The following APOH variants were observed in gnomAD, a reference collection of about 807,000 sequenced individuals.
APOH encodes the protein beta-2-glycoprotein 1.
APOH carries 48 observed loss-of-function variants against 39.8 expected under a neutral mutation model. That is an observed-to-expected ratio of 1.21 (90% CI 0.96 to 1.54). The LOEUF is 1.54. Among genes scored for constraint, APOH ranks in the 40% most tolerant of loss-of-function variants. The pLI, the probability that APOH is intolerant of heterozygous loss-of-function variation, is 0.00. For missense variants in APOH, 415 were observed against 421.2 expected, an observed-to-expected ratio of 0.99 and a Z score of 0.13; for synonymous variants, 153 against 151.1, an observed-to-expected ratio of 1.01 and a Z score of -0.09.
intron 5 of APOH, among the ~76,000 whole-genome samples, chr17:66,219,517 A>G (rs2073384874): frequency 6.6e-6 from 1 of 152,216 alleles, no homozygotes; most frequent in African/African-American, 2.4e-5. Context: ...CCAGAAAGGT[A>G]CAAGTTACTA....
At chr17:66,214,807 G>T (rs982841316) in intron 6 of APOH, among the ~76,000 whole-genome samples, 157 bp from the exon 7 acceptor site, 4 of 151,706 alleles carry the variant, frequency 2.6e-5, no homozygotes, top group Non-Finnish European at 4.4e-5. Context: ...TAATATGATT[G>T]CTAATTGCAG....
In APOH at chr17:66,214,524, T is replaced by G; in HGVS notation, c.911A>C (p.Glu304Ala). 1 of 1,614,184 alleles carries G rather than the reference T, an allele frequency of 6.2e-7. No homozygotes were observed. Among genetic ancestry groups the G allele is most frequent in the African/African-American group, 1.3e-5 (1 of 75,056 alleles). The change falls in exon 7 of 8, where the codon GAA becomes GCA. Residue 304 changes from glutamate (E) to alanine (A), a missense_variant. Coordinates refer to ENST00000205948, the MANE Select transcript of APOH (RefSeq NM_000042.3). ...ATCCTCTGTATAGCTACACTTCTTT[T>G]CCTTATTTTTGCAGAAGAAAGAAAC... is the stretch of plus-strand genomic sequence containing the variant. ...DKVSFFCKNK[E>A]KKCSYTEDAQ... is the part of the protein sequence containing the mutation.
intron 5 of APOH, 82 bp from the exon 6 acceptor site, chr17:66,217,049 T>C (rs1367000645): frequency 8.6e-7 from 1 of 1,169,500 alleles, no homozygotes. Flanking sequence ...CTTGTCTCTG[T>C]CACACCACTG....
At chr17:66,223,306 G>A (rs1401343094) in intron 4 of APOH, among the ~76,000 whole-genome samples, 2 of 152,140 alleles carry the variant, frequency 1.3e-5, no homozygotes, top group Non-Finnish European at 2.9e-5. Context: ...TCCAGAGTGG[G>A]AGGAAGATGT....
In APOH at chr17:66,226,951, C is replaced by A. The variant is rs544880499; in HGVS notation, c.242-827G>T. ...CTGCCCAGGCTGGAGTGCAGTGGCACAATCTCAGCTCACTACAACCTCTGC... is the reference window on the plus strand; with the variant it reads ...CTGCCCAGGCTGGAGTGCAGTGGCAAAATCTCAGCTCACTACAACCTCTGC... On this transcript the variant is annotated intron_variant, in intron 2 of 7. Coordinates refer to ENST00000205948, the MANE Select transcript of APOH (RefSeq NM_000042.3). Among the ~76,000 whole-genome samples, 10 of 151,906 alleles carry A rather than the reference C, an allele frequency of 6.6e-5. No homozygotes were observed. In the South Asian group the frequency reaches 1.7e-3, roughly 25 times the overall value.
At chr17:66,223,453 TTAGA>T (rs1429736093) in intron 4 of APOH, among the ~76,000 whole-genome samples, 1 of 151,288 alleles carries the variant, frequency 6.6e-6, no homozygotes, top group Non-Finnish European at 1.5e-5. Context: ...AATGACTGGC[TTAGA>T]TAGAGTAATG....
chr17:66,222,760 G>A (rs987209095), intron 4 of APOH, among the ~76,000 whole-genome samples: 3 of 151,794 alleles, frequency 2.0e-5, no homozygotes, highest in Non-Finnish European at 4.4e-5. Flanking sequence ...TAGTAGAGAC[G>A]GAGTTTCTCC....
chr17:66,214,752 T>C, intron 6 of APOH, 102 bp from the exon 7 acceptor site: 1 of 997,736 alleles, frequency 1.0e-6, no homozygotes, highest in Non-Finnish European at 1.5e-6. Context: ...CTACACAAAT[T>C]GGTCAAGGCA....
rs775234915 is a variant in APOH, at chr17:66,228,117, C to G, written c.144G>C (p.Thr48=). 9 of 1,614,058 alleles carry G rather than the reference C, an allele frequency of 5.6e-6. No homozygotes were observed. The South Asian group carries it at 7.7e-5, about 14-fold the overall frequency. The change falls in exon 2 of 8, where the codon ACG becomes ACC. Residue 48 remains threonine, a synonymous_variant. Coordinates refer to ENST00000205948, the MANE Select transcript of APOH (RefSeq NM_000042.3). The part of the protein sequence containing the change: ...KTFYEPGEEI[T]YSCKPGYVSR... ...ACACATAGCCCGGCTTGCAGGAATA[C>G]GTAATCTCTTCTCCTGGCTCATAGA...
chr17:66,220,504 A>C (rs763987078), intron 5 of APOH, 50 bp downstream of exon 5: 1 of 1,563,620 alleles, frequency 6.4e-7, no homozygotes, highest in Non-Finnish European at 8.8e-7. Flanking sequence ...TACCTTTCAC[A>C]AATGGGATCT....
In APOH at chr17:66,224,490, A is replaced by G. The variant is rs1379426436; in HGVS notation, c.339-716T>C. Among the ~76,000 whole-genome samples, 18 of 88,418 alleles carry G rather than the reference A, an allele frequency of 2.0e-4. 1 individual carries two copies. The highest frequency in any genetic ancestry group is 5.8e-4 in the African/African-American group (17 of 29,374). The allele number at this position is 88,418 out of a possible 152,430, so 58.0% of individuals were successfully genotyped here. On this transcript the variant is annotated intron_variant, in intron 3 of 7. Transcript: ENST00000205948. ...TCCTGTAAAAAAAAAAAAAAAAAAAAAGAAAAGAAAAGAAGGAAAGGAAGG... is the reference window on the plus strand; with the variant it reads ...TCCTGTAAAAAAAAAAAAAAAAAAAGAGAAAAGAAAAGAAGGAAAGGAAGG...
intron 5 of APOH, among the ~76,000 whole-genome samples, chr17:66,218,052 T>C (rs1341771682): frequency 1.3e-5 from 2 of 152,018 alleles, no homozygotes; most frequent in Non-Finnish European, 2.9e-5. Context: ...AAGGAAAAGA[T>C]AGAATTAGAA....
Position 66,214,462 on chromosome 17 carries a change from A to C in APOH, c.973T>G (p.Cys325Gly), listed in dbSNP as rs1801689. ...CIDGTIEVPK[C>G]FKEHSSLAFW... ...TCCAATGCAGACTTACCCTTGAAGC[A>C]TTTGGGGACTTCGATAGTGCCATCT... is the stretch of plus-strand genomic sequence containing the variant. Residue 325 changes from cysteine to glycine, a missense_variant, in exon 7 of 8, where the codon TGC becomes GGC. Cys to Gly is a radical substitution (Grantham distance 159). Transcript: ENST00000205948. 0.028 allele frequency: 45,332 copies of C among 1,613,586 alleles called. 770 individuals carry two copies. Among genetic ancestry groups the C allele is most frequent in the Middle Eastern group, 0.074 (447 of 6,056 alleles).
intron 6 of APOH, among the ~76,000 whole-genome samples, chr17:66,216,149 AGAGT>A (rs1319799805): frequency 6.8e-6 from 1 of 146,914 alleles, no homozygotes; most frequent in Non-Finnish European, 1.5e-5. Flanking sequence ...GCTAGGCAAC[AGAGT>A]GAGACTCCAT....
At chr17:66,220,239 C>G (rs145661618) in intron 5 of APOH, among the ~76,000 whole-genome samples, 11 of 152,176 alleles carry the variant, frequency 7.2e-5, no homozygotes, top group African/African-American at 2.4e-4. Context: ...ATGTCTCCCC[C>G]ATGTGTGGTA....
At chr17:66,217,155 TA>T (rs1031956507) in intron 5 of APOH, among the ~76,000 whole-genome samples, 188 bp from the exon 6 acceptor site, 3 of 152,132 alleles carry the variant, frequency 2.0e-5, no homozygotes, top group South Asian at 4.1e-4. Flanking sequence ...CCCTGGATAT[TA>T]AAAAAGAAAC....
chr17:66,219,286 T>A (rs550008045), intron 5 of APOH, among the ~76,000 whole-genome samples: 1 of 152,258 alleles, frequency 6.6e-6, no homozygotes, highest in Non-Finnish European at 1.5e-5. Context: ...GAAGGCTTTA[T>A]GGGCAAGTAT....
At chr17:66,220,167 A>C (rs1332276209) in intron 5 of APOH, among the ~76,000 whole-genome samples, 1 of 152,196 alleles carries the variant, frequency 6.6e-6, no homozygotes, top group Non-Finnish European at 1.5e-5. Flanking sequence ...AACTTCACCC[A>C]GAAGAGAACT....
Position 66,228,171 on chromosome 17 carries a change from T to C in APOH, c.90A>G (p.Pro30=), listed in dbSNP as rs752002960. The change falls in exon 2 of 8, where the codon CCA becomes CCG. Residue 30 remains proline (P), a synonymous_variant. Transcript: ENST00000205948. ...TTTTTAACGGGACCACTGTGGAAAA[T>C]GGTAAATCATCTGGCTTGGGACAGG... The part of the protein sequence containing the change: ...GRTCPKPDDL[P]FSTVVPLKTF... 1.9e-6 allele frequency: 3 copies of C among 1,613,978 alleles called. No individual in the cohort carries two copies. Among genetic ancestry groups the C allele is most frequent in the Admixed American group, 3.3e-5 (2 of 59,982 alleles).
Sources: allele counts gnomAD v4.1 joint callset (sites outside exome capture counted in the v4.1 genomes callset), GRCh38; gene constraint gnomAD v4.1.1; transcripts MANE v1.5; gene names NCBI Gene and HGNC (gene_info 2026-07-23, HGNC 2026-07-21).